C9orf85: variants seen among roughly 807,000 people sequenced by gnomAD.
C9orf85 encodes the protein chromosome 9 open reading frame 85.
Under a neutral mutation model 14.9 loss-of-function variants are expected in C9orf85, and 16 were observed. The ratio of observed to expected loss-of-function variants is 1.08; its 90% CI spans 0.73 to 1.63. C9orf85 has a LOEUF of 1.63. Ranked by LOEUF, C9orf85 falls within the 40% of genes most tolerant of loss-of-function variation. The pLI, the probability that C9orf85 is intolerant of heterozygous loss-of-function variation, is 0.00. For missense variants in C9orf85, 172 were observed against 186.1 expected (o/e 0.92, Z 0.44); for synonymous variants, 45 against 56.8 (o/e 0.79, Z 0.93).
At chr9:71,981,207 A>G (rs1398070522) in intron 3 of C9orf85, among the ~76,000 whole-genome samples, 1 of 152,230 alleles carries the variant, frequency 6.6e-6, no homozygotes, top group African/African-American at 2.4e-5. Flanking sequence ...GGGATAGATT[A>G]GAGACAAATC....
intron 1 of C9orf85, among the ~76,000 whole-genome samples, chr9:71,942,504 G>T (rs1321133851): frequency 6.6e-6 from 1 of 152,076 alleles, no homozygotes; most frequent in Non-Finnish European, 1.5e-5. Flanking sequence ...CTCTCATTCT[G>T]ATTCCCTCCT....
At chr9:71,975,458 C>T (rs572785599), downstream of C9orf85, among the ~76,000 whole-genome samples, 2 of 142,876 alleles carry the variant, frequency 1.4e-5, no homozygotes, top group East Asian at 2.0e-4. Context: ...AAAAAAAAAA[C>T]GTGGAGACAA....
chr9:71,911,960 C>T, intron 1 of C9orf85, 124 bp downstream of exon 1: 4 of 815,692 alleles, frequency 4.9e-6, no homozygotes, highest in Non-Finnish European at 8.6e-6. Context: ...TTAGTCTTGG[C>T]TGCAGTGCAA....
chr9:71,981,044 T>C (rs1185561929), intron 3 of C9orf85, among the ~76,000 whole-genome samples: 2 of 152,158 alleles, frequency 1.3e-5, no homozygotes, highest in African/African-American at 2.4e-5. Flanking sequence ...TGTCCGTAAA[T>C]GTGAGAGGAT....
intron 2 of C9orf85, among the ~76,000 whole-genome samples, chr9:71,968,990 G>A (rs1822781540): frequency 6.6e-6 from 1 of 152,076 alleles, no homozygotes; most frequent in Non-Finnish European, 1.5e-5. Flanking sequence ...GGTGACCAGG[G>A]GTGACTCAGG....
intron 2 of C9orf85, among the ~76,000 whole-genome samples, chr9:71,970,573 T>C (rs948613151): frequency 3.3e-5 from 5 of 152,230 alleles, no homozygotes; most frequent in Admixed American, 6.5e-5. Flanking sequence ...TCTATTCTTA[T>C]GTCAGTACTA....
At chr9:71,916,820 A>C (rs1350468503) in intron 1 of C9orf85, among the ~76,000 whole-genome samples, 1 of 152,172 alleles carries the variant, frequency 6.6e-6, no homozygotes, top group Non-Finnish European at 1.5e-5. Context: ...GTGCTCAAAA[A>C]GTTTTAGATT....
chr9:71,982,652 T>C (rs1376300805), intron 3 of C9orf85: 7 of 380,974 alleles, frequency 1.8e-5, no homozygotes, highest in African/African-American at 1.7e-4. Context: ...TTTTTTTTTT[T>C]TCAGATGGAG....
intron 1 of C9orf85, among the ~76,000 whole-genome samples, chr9:71,927,459 A>G (rs1827959286): frequency 6.6e-6 from 1 of 151,800 alleles, no homozygotes; most frequent in African/African-American, 2.4e-5. Flanking sequence ...CTTTTAGAAG[A>G]AAAAAAAGTA....
In C9orf85 at chr9:71,972,698, T is replaced by G. The variant is rs1471990107; in HGVS notation, c.330T>G (p.Asn110Lys). The G allele has an allele frequency of 6.3e-7, 1 of 1,574,988 alleles. No homozygotes were observed. Among genetic ancestry groups the G allele is most frequent in the Non-Finnish European group, 8.7e-7 (1 of 1,155,952 alleles). Reference protein sequence around the residue: ...GKKEDIVIPLNKETEKIEHTE... With the variant: ...GKKEDIVIPLKKETEKIEHTE... ...TTTTTTCTTTCATCTTTAGGTTGAATAAAGAAACAGAAAAAATAGAACATA... is the reference window on the plus strand; with the variant it reads ...TTTTTTCTTTCATCTTTAGGTTGAAGAAAGAAACAGAAAAAATAGAACATA... Residue 110 changes from asparagine to lysine, a missense_variant, in exon 4 of 4, where the codon AAT (asparagine) becomes AAG (lysine). Physicochemically the swap from Asn to Lys is moderately conservative, Grantham distance 94. Coordinates refer to ENST00000334731, the MANE Select transcript of C9orf85 (RefSeq NM_182505.5).
intron 3 of C9orf85, among the ~76,000 whole-genome samples, chr9:71,979,262 C>T (rs1025370060): frequency 2.6e-5 from 4 of 152,122 alleles, no homozygotes; most frequent in Non-Finnish European, 4.4e-5. Context: ...TCTTTACCTT[C>T]GTGACGTTAT....
intron 1 of C9orf85, among the ~76,000 whole-genome samples, chr9:71,925,506 G>T (rs908505282): frequency 4.6e-5 from 7 of 152,188 alleles, no homozygotes; most frequent in African/African-American, 1.7e-4. Flanking sequence ...ACTGAAGAAG[G>T]TTCTGTCGGC....
chr9:71,925,212 A>T (rs1000116613), intron 1 of C9orf85, among the ~76,000 whole-genome samples: 1 of 152,214 alleles, frequency 6.6e-6, no homozygotes, highest in Non-Finnish European at 1.5e-5. Context: ...GGCTGACTGA[A>T]CATGTACTTA....
intron 1 of C9orf85, among the ~76,000 whole-genome samples, chr9:71,930,152 GATAA>G (rs1369773111): frequency 1.3e-5 from 2 of 151,936 alleles, no homozygotes; most frequent in South Asian, 2.1e-4. Context: ...AAACTTTGTA[GATAA>G]ATAATTCTTC....
At chr9:71,923,148 A>T (rs1301254084) in intron 1 of C9orf85, among the ~76,000 whole-genome samples, 1 of 152,218 alleles carries the variant, frequency 6.6e-6, no homozygotes, top group East Asian at 1.9e-4. Flanking sequence ...ACTGACCACC[A>T]TCCATCTGGT....
chr9:71,973,026 T>C lies in C9orf85; in HGVS notation c.*184T>C. The C allele has an allele frequency of 3.5e-6, 1 of 287,334 alleles. No individual in the cohort carries two copies. The highest frequency in any genetic ancestry group is 6.8e-6 in the Non-Finnish European group (1 of 147,572). The allele number at this position is 287,334 out of a possible 1,614,324, so 17.8% of individuals were successfully genotyped here. On this transcript the variant is annotated 3_prime_UTR_variant, in exon 4 of 4. Transcript: ENST00000334731. ...TGGGCGTGGTGGCTCATGCCTGTAA[T>C]CCCAGCTACTCAGGAGGCTGAGGCA...
intron 2 of C9orf85, among the ~76,000 whole-genome samples, chr9:71,950,274 C>T (rs1241751269): frequency 1.3e-5 from 2 of 152,186 alleles, no homozygotes; most frequent in African/African-American, 4.8e-5. Flanking sequence ...GGTAGCATTA[C>T]TTAAAATGTT....
chr9:71,928,118 C>T lies in C9orf85; in HGVS notation c.102+16282C>T, dbSNP rs534105947. ...AGGACACTCGCTTGAACCCAGGAGGCGGAGGTTACAGTGAATCAAGATTCT... is the reference window on the plus strand; with the variant it reads ...AGGACACTCGCTTGAACCCAGGAGGTGGAGGTTACAGTGAATCAAGATTCT... On this transcript the variant is annotated intron_variant, in intron 1 of 3. Coordinates refer to ENST00000334731, the MANE Select transcript of C9orf85 (RefSeq NM_182505.5). Among the ~76,000 whole-genome samples the T allele has an allele frequency of 1.5e-4, 22 of 145,954 alleles. No homozygotes were observed. The Middle Eastern group carries it at 0.011, about 74-fold the overall frequency.
At chr9:71,959,042 G>A (rs1200284391) in intron 2 of C9orf85, among the ~76,000 whole-genome samples, 1 of 152,020 alleles carries the variant, frequency 6.6e-6, no homozygotes, top group Non-Finnish European at 1.5e-5. Flanking sequence ...AAGGGCCAAT[G>A]GCTGCCACAT....
Sources: allele counts gnomAD v4.1 joint callset (sites outside exome capture counted in the v4.1 genomes callset), GRCh38; gene constraint gnomAD v4.1.1; transcripts MANE v1.5; gene names NCBI Gene and HGNC (gene_info 2026-07-23, HGNC 2026-07-21).